Variants in TCF7L2 observed in about 807,000 individuals in gnomAD.
TCF7L2 encodes the protein transcription factor 7 like 2.
In TCF7L2, 23 loss-of-function variants were observed where a neutral mutation model predicts 77.9. The ratio of observed to expected loss-of-function variants is 0.30; its 90% confidence interval spans 0.21 to 0.42. The LOEUF (loss-of-function observed/expected upper bound fraction) is 0.42, where lower values mean the gene tolerates loss of function less well. TCF7L2 is among the 10% of genes least tolerant of loss of function. The probability of loss-of-function intolerance (pLI) is 1.00; values close to 1 mark genes in which losing one functional copy is unlikely to be tolerated. For missense variants in TCF7L2, 654 were observed against 793.1 expected (o/e 0.82, Z 2.11); for synonymous variants, 413 against 340.2 (o/e 1.21, Z -2.36).
chr10:112,966,341 T>G (rs1002976373), intron 4 of TCF7L2, among the ~76,000 whole-genome samples: 4 of 151,740 alleles, frequency 2.6e-5, no homozygotes, highest in African/African-American at 9.7e-5. Flanking sequence ...GTCTTTAACT[T>G]GAGGCTGCAA....
intron 4 of TCF7L2, among the ~76,000 whole-genome samples, chr10:113,009,562 TC>T (rs2046112924): frequency 6.6e-6 from 1 of 152,214 alleles, no homozygotes; most frequent in Non-Finnish European, 1.5e-5. Flanking sequence ...CTCCAAAGCT[TC>T]AGGAACATAT....
At position 112,966,078 on chromosome 10, in the gene TCF7L2, G is replaced by A. The variant is rs188069100; in HGVS notation, c.450+1454G>A. On this transcript the variant is annotated intron_variant, in intron 4 of 13. Coordinates refer to ENST00000627217, the MANE Select transcript of TCF7L2 (RefSeq NM_001146274.2). The stretch of plus-strand genomic sequence containing the variant: ...TAATCCCAGTTAATCAGGAGGCTGA[G>A]GCAGGAGAATCACTTGAACCCGGGA... Among the ~76,000 whole-genome samples the A allele has an allele frequency of 2.3e-3, 341 of 151,284 alleles. 3 individuals carry two copies. Among genetic ancestry groups the A allele is most frequent in the African/African-American group, 7.8e-3 (320 of 40,892 alleles).
chr10:113,034,841 A>AGTCGAGCTTGCGTCACTGCACTCC (rs1283303413), intron 4 of TCF7L2, among the ~76,000 whole-genome samples: 1 of 152,232 alleles, frequency 6.6e-6, no homozygotes, highest in African/African-American at 2.4e-5. Flanking sequence ...GGTTGCAGTG[A>AGTCGAGCTTGCGTCACTGCACTCC]GTCGAGCTTG....
chr10:113,074,871 G>A (rs1157289697), intron 5 of TCF7L2, among the ~76,000 whole-genome samples: 2 of 152,162 alleles, frequency 1.3e-5, no homozygotes, highest in Admixed American at 6.5e-5. Flanking sequence ...CATGGGCACA[G>A]GGCAGGGATG....
rs1491489285 is a variant in TCF7L2, at chr10:112,964,810, GGT to G, written c.450+188_450+189del. ...TGGTGGTGATGGTGGTGGTGGTGGTGGTGGGGGGGGGTTGAATCACTGGGGGA... is the reference window on the plus strand; with the variant it reads ...TGGTGGTGATGGTGGTGGTGGTGGTGGGGGGGGGGTTGAATCACTGGGGGA... On this transcript the variant is annotated intron_variant, in intron 4 of 13. Coordinates refer to ENST00000627217, the MANE Select transcript of TCF7L2 (RefSeq NM_001146274.2). Among the ~76,000 whole-genome samples, 1,186 of 119,674 alleles carry G rather than the reference GGT, an allele frequency of 9.9e-3. 43 individuals carry two copies. The highest frequency in any genetic ancestry group is 0.04 in the Admixed American group (475 of 11,980). 78.5% of individuals were successfully genotyped at this position (119,674 alleles called of 152,430 possible).
intron 5 of TCF7L2, among the ~76,000 whole-genome samples, chr10:113,131,101 T>G (rs887117123): frequency 6.6e-6 from 1 of 152,202 alleles, no homozygotes; most frequent in Non-Finnish European, 1.5e-5. Context: ...TGTAAGAGGA[T>G]TCTCTTGAAT....
intron 4 of TCF7L2, among the ~76,000 whole-genome samples, chr10:113,037,654 G>C (rs1055936864): frequency 2.0e-5 from 3 of 152,166 alleles, no homozygotes; most frequent in Admixed American, 2.0e-4. Flanking sequence ...GACAGTTCTT[G>C]GGTGGGTCCT....
chr10:113,099,491 C>T (rs779394002), intron 5 of TCF7L2, among the ~76,000 whole-genome samples: 1 of 152,170 alleles, frequency 6.6e-6, no homozygotes, highest in African/African-American at 2.4e-5. Context: ...GGCTCTGGAA[C>T]AAGCTGCTAC....
At chr10:113,102,427 G>T (rs1383668100) in intron 5 of TCF7L2, among the ~76,000 whole-genome samples, 96 of 141,512 alleles carry the variant, frequency 6.8e-4, no homozygotes, top group African/African-American at 1.4e-3. Flanking sequence ...TTGTTTGTTT[G>T]TTTTTTTTTT....
intron 5 of TCF7L2, among the ~76,000 whole-genome samples, chr10:113,136,658 C>G (rs2067452268): frequency 1.3e-5 from 2 of 152,168 alleles, no homozygotes; most frequent in Non-Finnish European, 2.9e-5. Flanking sequence ...GTTTCCCTTG[C>G]ACATTGGGCT....
chr10:113,123,498 G>A (rs929094734), intron 5 of TCF7L2, among the ~76,000 whole-genome samples: 3 of 152,224 alleles, frequency 2.0e-5, no homozygotes, highest in Non-Finnish European at 4.4e-5. Flanking sequence ...TGGGGGAAAC[G>A]TCTGCACATG....
intron 4 of TCF7L2, among the ~76,000 whole-genome samples, chr10:113,012,925 T>C (rs2046699082): frequency 6.6e-6 from 1 of 152,170 alleles, no homozygotes. Flanking sequence ...TTCCTTCTGT[T>C]ACTCTACGCG....
Position 113,151,957 on chromosome 10 carries a change from A to C in TCF7L2, c.1161+73A>C. On this transcript the variant is annotated intron_variant, in intron 10 of 13. Coordinates refer to ENST00000627217, the MANE Select transcript of TCF7L2 (RefSeq NM_001146274.2). This position sits in a 1 kb window ranked among gnomAD's most constrained non-coding sequence, Gnocchi z 5.2. Reference sequence around the variant, plus strand: ...ACCAGAGTGCAGCAGGTCAGGTGGCAGAATGTCTCTGTCCCCATTTCTTTG... The same window carrying C: ...ACCAGAGTGCAGCAGGTCAGGTGGCCGAATGTCTCTGTCCCCATTTCTTTG... 6 of 1,526,860 alleles carry C rather than the reference A, an allele frequency of 3.9e-6. No individual in the cohort carries two copies. In the South Asian group the frequency reaches 7.9e-5, roughly 20 times the overall value. 94.6% of individuals were successfully genotyped at this position (1,526,860 alleles called of 1,614,324 possible).
At chr10:113,121,787 C>G (rs2064841661) in intron 5 of TCF7L2, among the ~76,000 whole-genome samples, 1 of 151,948 alleles carries the variant, frequency 6.6e-6, no homozygotes, top group South Asian at 2.1e-4. Context: ...CACACACACA[C>G]ACACACACAA....
chr10:113,041,235 G>A (rs1273247617), intron 5 of TCF7L2, among the ~76,000 whole-genome samples: 1 of 152,138 alleles, frequency 6.6e-6, no homozygotes, highest in East Asian at 1.9e-4. Context: ...CATCATTTGT[G>A]ACAATGTCTT....
chr10:112,982,384 A>G (rs1053121050), intron 4 of TCF7L2, among the ~76,000 whole-genome samples: 3 of 152,210 alleles, frequency 2.0e-5, no homozygotes, highest in Non-Finnish European at 4.4e-5. Flanking sequence ...GGCCTAGTCC[A>G]GTACCTGGCA....
At chr10:113,038,005 A>C (rs1390500524) in intron 4 of TCF7L2, among the ~76,000 whole-genome samples, 1 of 152,178 alleles carries the variant, frequency 6.6e-6, no homozygotes, top group African/African-American at 2.4e-5. Context: ...GGCAGTTTAG[A>C]TTCCCAGAGC....
chr10:112,974,702 C>G (rs898722951), intron 4 of TCF7L2, among the ~76,000 whole-genome samples: 39 of 152,184 alleles, frequency 2.6e-4, no homozygotes, highest in African/African-American at 8.4e-4. Flanking sequence ...CTCGGCCTCC[C>G]AAAGTGCTGG....
At chr10:113,060,472 T>TG (rs942413767) in intron 5 of TCF7L2, among the ~76,000 whole-genome samples, 12 of 152,100 alleles carry the variant, frequency 7.9e-5, no homozygotes, top group African/African-American at 2.2e-4. Flanking sequence ...TTTTAATAAA[T>TG]GGGGGGGTCA....
Sources: allele counts gnomAD v4.1 joint callset (sites outside exome capture counted in the v4.1 genomes callset), GRCh38; gene constraint gnomAD v4.1.1; non-coding constraint Gnocchi (gnomAD v3.1); transcripts MANE v1.5; gene names NCBI Gene and HGNC (gene_info 2026-07-23, HGNC 2026-07-21).